GLCCI1: variants seen among roughly 807,000 people sequenced by gnomAD.
GLCCI1 encodes glucocorticoid-induced transcript 1 protein.
GLCCI1 carries 24 observed loss-of-function variants against 52.2 expected under a neutral mutation model. That is an observed-to-expected ratio of 0.46 (90% CI 0.33 to 0.65). GLCCI1 has a LOEUF of 0.65. GLCCI1 is among the 30% of genes least tolerant of loss of function. The pLI is 0.02. For missense variants in GLCCI1, 704 were observed against 701.5 expected, an observed-to-expected ratio of 1.00 and a Z score of -0.04; for synonymous variants, 310 against 276.5, an observed-to-expected ratio of 1.12 and a Z score of -1.20.
At chr7:7,970,519 A>C (rs1448645007) in intron 1 of GLCCI1, 5 of 152,428 alleles carry the variant, frequency 3.3e-5, no homozygotes, top group Admixed American at 3.3e-4. Flanking sequence ...AATTTCTGAA[A>C]ACTTATTTGT....
At chr7:8,004,887 G>A (rs1026234460) in intron 2 of GLCCI1, among the ~76,000 whole-genome samples, 3 of 152,180 alleles carry the variant, frequency 2.0e-5, no homozygotes, top group African/African-American at 7.2e-5. Flanking sequence ...TTTCATGTCC[G>A]AAGACTGAGG....
At chr7:8,006,666 T>TC (rs1234569056) in intron 2 of GLCCI1, among the ~76,000 whole-genome samples, 5 of 152,158 alleles carry the variant, frequency 3.3e-5, no homozygotes, top group Admixed American at 6.5e-5. Context: ...CATTTTGTCC[T>TC]CCCCCCACTA....
intron 1 of GLCCI1, among the ~76,000 whole-genome samples, chr7:7,999,711 C>G (rs891555419): frequency 6.6e-6 from 1 of 152,096 alleles, no homozygotes; most frequent in Non-Finnish European, 1.5e-5. Flanking sequence ...TTGAGACCAG[C>G]CTGGTCAACA....
intron 6 of GLCCI1, among the ~76,000 whole-genome samples, chr7:8,082,079 A>G (rs1473064831): frequency 6.6e-6 from 1 of 152,226 alleles, no homozygotes; most frequent in Non-Finnish European, 1.5e-5. Context: ...AATTAAGATT[A>G]CCATGAGACT....
At chr7:7,992,570 C>G (rs1333772306) in intron 1 of GLCCI1, among the ~76,000 whole-genome samples, 4 of 151,888 alleles carry the variant, frequency 2.6e-5, no homozygotes, top group Non-Finnish European at 1.5e-5. Context: ...GATTATTTTC[C>G]CCAGATATAA....
In GLCCI1 at chr7:8,003,806, C is replaced by T. The variant is rs1781093096; in HGVS notation, c.458-102C>T. ...GCTATTAGTGTAAATATATATATCA[C>T]AGGAAAAATTGACAGGATGACATTC... On this transcript the variant is annotated intron_variant, in intron 1 of 7. Transcript: ENST00000223145. The T allele has an allele frequency of 1.0e-5, 10 of 1,003,436 alleles. No homozygotes were observed. The South Asian group carries it at 1.7e-4, about 17-fold the overall frequency. The allele number at this position is 1,003,436 out of a possible 1,614,324, so 62.2% of individuals were successfully genotyped here.
At chr7:8,055,826 G>A (rs1289205175) in intron 4 of GLCCI1, 1 of 191,368 alleles carries the variant, frequency 5.2e-6, no homozygotes, top group Non-Finnish European at 1.1e-5. Flanking sequence ...TGTCTCTACT[G>A]AAAAAACACA....
chr7:8,076,010 G>A (rs958413364), intron 6 of GLCCI1, among the ~76,000 whole-genome samples: 10 of 152,254 alleles, frequency 6.6e-5, no homozygotes, highest in African/African-American at 2.4e-4. Flanking sequence ...TCTTTTCAGG[G>A]TCTAGGGTTG....
intron 5 of GLCCI1, among the ~76,000 whole-genome samples, chr7:8,064,748 G>C (rs578107708): frequency 6.6e-6 from 1 of 151,574 alleles, no homozygotes; most frequent in African/African-American, 2.4e-5. Flanking sequence ...CTGCTCTGTC[G>C]CCAGGCTGAA....
At chr7:8,012,814 T>G (rs1475560664) in intron 2 of GLCCI1, among the ~76,000 whole-genome samples, 1 of 152,184 alleles carries the variant, frequency 6.6e-6, no homozygotes, top group Non-Finnish European at 1.5e-5. Context: ...TATCTATTTT[T>G]CCATTTGTTG....
chr7:8,042,799 A>G (rs988068877), intron 3 of GLCCI1, among the ~76,000 whole-genome samples: 17 of 152,250 alleles, frequency 1.1e-4, no homozygotes, highest in Non-Finnish European at 2.1e-4. Context: ...AAATGATAAC[A>G]AAAGATTTAG....
At chr7:7,991,729 C>T (rs1013889313) in intron 1 of GLCCI1, among the ~76,000 whole-genome samples, 3 of 152,086 alleles carry the variant, frequency 2.0e-5, no homozygotes, top group Non-Finnish European at 2.9e-5. Context: ...TCTTCTTCAA[C>T]CCCCTCAGTC....
chr7:8,047,753 C>CTTTAA (rs1002351189), intron 3 of GLCCI1, among the ~76,000 whole-genome samples: 1 of 152,226 alleles, frequency 6.6e-6, no homozygotes, highest in African/African-American at 2.4e-5. Context: ...CACAAAAGGA[C>CTTTAA]TTTAAATTAG....
At chr7:8,014,179 C>T (rs113110769) in intron 2 of GLCCI1, among the ~76,000 whole-genome samples, 11 of 152,016 alleles carry the variant, frequency 7.2e-5, no homozygotes, top group Admixed American at 5.9e-4. Context: ...TTAGTAGAGA[C>T]GGGGTTTCAC....
intron 1 of GLCCI1, among the ~76,000 whole-genome samples, chr7:7,989,662 A>G (rs1342331742): frequency 2.0e-5 from 3 of 152,148 alleles, no homozygotes; most frequent in Non-Finnish European, 4.4e-5. Flanking sequence ...GTAAAGGCTA[A>G]GGAGACCACT....
intron 3 of GLCCI1, among the ~76,000 whole-genome samples, chr7:8,039,386 G>A (rs1229976156): frequency 6.6e-6 from 1 of 152,100 alleles, no homozygotes. Context: ...TGGCTGATCA[G>A]ATAAAGAAAA....
rs116731086 is a variant in GLCCI1, at chr7:7,969,849, C to T, written c.457+42C>T. Reference sequence around the variant, plus strand: ...TCCCGTCCTCCCGGGCTGCGTCTCCCCGACGGTGCCCTCCGTGGAAACTTC... The same window carrying T: ...TCCCGTCCTCCCGGGCTGCGTCTCCTCGACGGTGCCCTCCGTGGAAACTTC... On this transcript the variant is annotated intron_variant, in intron 1 of 7. Coordinates refer to ENST00000223145, the MANE Select transcript of GLCCI1 (RefSeq NM_138426.4). The surrounding 1 kb of genome is among the most constrained non-coding windows in gnomAD (Gnocchi z 4.9). 1,143 of 1,356,324 alleles carry T rather than the reference C, an allele frequency of 8.4e-4. 10 individuals carry two copies. The African/African-American group carries it at 0.011, about 13-fold the overall frequency. 84.0% of individuals were successfully genotyped at this position (1,356,324 alleles called of 1,614,324 possible).
At chr7:7,978,912 A>T (rs1780552085) in intron 1 of GLCCI1, among the ~76,000 whole-genome samples, 1 of 152,202 alleles carries the variant, frequency 6.6e-6, no homozygotes, top group African/African-American at 2.4e-5. Context: ...AGATTGGTTT[A>T]TATTAGCTAA....
At chr7:8,041,839 G>A (rs1229718683) in intron 3 of GLCCI1, among the ~76,000 whole-genome samples, 3 of 152,022 alleles carry the variant, frequency 2.0e-5, no homozygotes, top group Non-Finnish European at 4.4e-5. Flanking sequence ...CAGTCCTCCC[G>A]CCTCAGCCTC....
Sources: allele counts gnomAD v4.1 joint callset (sites outside exome capture counted in the v4.1 genomes callset), GRCh38; gene constraint gnomAD v4.1.1; non-coding constraint Gnocchi (gnomAD v3.1); transcripts MANE v1.5; gene names NCBI Gene and HGNC (gene_info 2026-07-23, HGNC 2026-07-21).